HECW1: variants seen among roughly 807,000 people sequenced by gnomAD.
HECW1 encodes the protein HECT, C2 and WW domain containing E3 ubiquitin protein ligase 1.
In HECW1, 61 loss-of-function variants were observed where a neutral mutation model predicts 182.3. The observed-to-expected ratio is 0.33, with a 90% CI of 0.27 to 0.41. The LOEUF (loss-of-function observed/expected upper bound fraction) is 0.41. Ranked by LOEUF, HECW1 falls within the 10% of genes least tolerant of loss-of-function variation. HECW1 has a pLI of 1.00. For synonymous variants in HECW1, 859 were observed against 832.6 expected (o/e 1.03, Z -0.55); for missense variants, 1,739 against 2,108.9 (o/e 0.82, Z 3.44).
At chr7:43,464,154 TTTTA>T (rs1375783537) in intron 14 of HECW1, among the ~76,000 whole-genome samples, 1 of 152,238 alleles carries the variant, frequency 6.6e-6, no homozygotes, top group East Asian at 1.9e-4. Flanking sequence ...TAAGTAAATG[TTTTA>T]TTTATTTATA....
At chr7:43,426,454 G>A (rs1402954713) in intron 8 of HECW1, among the ~76,000 whole-genome samples, 1 of 152,048 alleles carries the variant, frequency 6.6e-6, no homozygotes, top group South Asian at 2.1e-4. Flanking sequence ...TTCACAGGAG[G>A]GATCATATGG....
At chr7:43,520,727 G>A (rs2080429900) in intron 24 of HECW1, among the ~76,000 whole-genome samples, 1 of 152,076 alleles carries the variant, frequency 6.6e-6, no homozygotes, top group African/African-American at 2.4e-5. Flanking sequence ...ACAGACGAAA[G>A]TGAAGCCTTG....
intron 2 of HECW1, among the ~76,000 whole-genome samples, chr7:43,231,852 TA>T (rs1183715570): frequency 8.8e-5 from 13 of 148,258 alleles, no homozygotes; most frequent in Non-Finnish European, 1.5e-4. Context: ...CTGTCTCTAC[TA>T]AAAAATACAA....
At chr7:43,146,566 G>A in intron 2 of HECW1, among the ~76,000 whole-genome samples, 1 of 152,244 alleles carries the variant, frequency 6.6e-6, no homozygotes, top group Non-Finnish European at 1.5e-5. Flanking sequence ...CTGGAAATTC[G>A]AGTCTTAATA....
intron 2 of HECW1, among the ~76,000 whole-genome samples, chr7:43,148,425 G>A (rs1015512928): frequency 2.1e-4 from 32 of 151,764 alleles, no homozygotes; most frequent in African/African-American, 7.0e-4. Flanking sequence ...GTGCCTGCAT[G>A]TCTCTGTGTC....
intron 3 of HECW1, among the ~76,000 whole-genome samples, chr7:43,271,149 A>G (rs182922779): frequency 1.1e-4 from 16 of 152,356 alleles, no homozygotes; most frequent in Admixed American, 1.0e-3. Flanking sequence ...CAAATTATCT[A>G]GAAGACTGAG....
At chr7:43,200,003 A>G (rs1562665554) in intron 2 of HECW1, among the ~76,000 whole-genome samples, 1 of 152,264 alleles carries the variant, frequency 6.6e-6, no homozygotes, top group Non-Finnish European at 1.5e-5. Flanking sequence ...AGAAGTCACT[A>G]AGCGTCGCTC....
intron 8 of HECW1, among the ~76,000 whole-genome samples, chr7:43,409,395 G>C (rs1227921026): frequency 1.3e-5 from 2 of 152,156 alleles, no homozygotes; most frequent in Admixed American, 1.3e-4. Flanking sequence ...TTGTATGGGG[G>C]GAAAGGCTTC....
rs534574678 is a variant in HECW1 at position 43,529,771 on chromosome 7, T to G, written c.4020-11392T>G. Among the ~76,000 whole-genome samples, 143 of 152,172 alleles carry G rather than the reference T, an allele frequency of 9.4e-4. 2 individuals carry two copies. The highest frequency in any genetic ancestry group is 3.4e-3 in the Middle Eastern group (1 of 294). ...CCATGCCTCTCCAGCAGTCATCCCT[T>G]TCTCATGGATCTTTACACTTCATGC... On this transcript the variant is annotated intron_variant, in intron 24 of 29. Transcript: ENST00000395891.
chr7:43,387,661 A>G (rs539555673), intron 6 of HECW1, among the ~76,000 whole-genome samples: 195 of 152,322 alleles, frequency 1.3e-3, no homozygotes, highest in Middle Eastern at 6.8e-3. Context: ...TTTTCAGCTT[A>G]TGGTATATTT....
At chr7:43,367,931 C>T (rs1039495133) in intron 6 of HECW1, among the ~76,000 whole-genome samples, 3 of 152,200 alleles carry the variant, frequency 2.0e-5, no homozygotes, top group Non-Finnish European at 4.4e-5. Context: ...TTTCCCAGAA[C>T]CTGCTTCCAC....
chr7:43,540,256 G>A (rs2081317307), intron 24 of HECW1, among the ~76,000 whole-genome samples: 1 of 152,194 alleles, frequency 6.6e-6, no homozygotes, highest in African/African-American at 2.4e-5. Context: ...GGGAGGATCT[G>A]AGAAAATTCA....
chr7:43,171,007 C>T (rs560896712), intron 2 of HECW1, among the ~76,000 whole-genome samples: 10 of 152,250 alleles, frequency 6.6e-5, no homozygotes, highest in African/African-American at 2.2e-4. Context: ...GTGGATCAGT[C>T]GCATTTTCGC....
At chr7:43,212,734 A>T (rs976901400) in intron 2 of HECW1, among the ~76,000 whole-genome samples, 1 of 152,212 alleles carries the variant, frequency 6.6e-6, no homozygotes, top group Non-Finnish European at 1.5e-5. Context: ...ATGTCTAAGT[A>T]CTCTAACTTA....
rs756332501 is a variant in HECW1, at chr7:43,311,862, T to C, written c.127T>C (p.Tyr43His). The C allele has an allele frequency of 6.2e-7, 1 of 1,614,220 alleles. No homozygotes were observed. Among genetic ancestry groups the C allele is most frequent in the Non-Finnish European group, 8.5e-7 (1 of 1,180,044 alleles). The change falls in exon 4 of 30, where the codon TAC becomes CAC. Residue 43 changes from tyrosine (Y) to histidine (H), a missense_variant. Around this residue, in one of 5 missense-constraint regions of HECW1, gnomAD observed 279 missense variants for 353.1 expected, o/e 0.79. Transcript: ENST00000395891. The stretch of plus-strand genomic sequence containing the variant: ...GTGCAAGGAGCCGCTCCGATACAGC[T>C]ACAACCCCGACCAGTTCCACAACAT... ...RRCKEPLRYS[Y>H]NPDQFHNMDL...
intron 26 of HECW1, among the ~76,000 whole-genome samples, chr7:43,544,978 T>C (rs1418427008): frequency 1.3e-5 from 2 of 152,246 alleles, no homozygotes; most frequent in Admixed American, 6.5e-5. Context: ...AAAGAGTTTA[T>C]GTTGATCAGG....
intron 3 of HECW1, among the ~76,000 whole-genome samples, chr7:43,244,732 G>A (rs1799212079): frequency 6.6e-6 from 1 of 152,198 alleles, no homozygotes; most frequent in African/African-American, 2.4e-5. Flanking sequence ...TCCATCCACT[G>A]GGCCCTGTGC....
chr7:43,532,597 C>T (rs2081035906), intron 24 of HECW1, among the ~76,000 whole-genome samples: 1 of 152,106 alleles, frequency 6.6e-6, no homozygotes, highest in Admixed American at 6.5e-5. Context: ...ATTGCTCAAG[C>T]AAACCACACA....
chr7:43,162,544 A>G (rs1337866014), intron 2 of HECW1, among the ~76,000 whole-genome samples: 1 of 152,228 alleles, frequency 6.6e-6, no homozygotes, highest in Non-Finnish European at 1.5e-5. Context: ...CTTTTATCTC[A>G]AGATACTTGA....
Sources: allele counts gnomAD v4.1 joint callset (sites outside exome capture counted in the v4.1 genomes callset), GRCh38; gene constraint gnomAD v4.1.1; regional missense constraint gnomAD v4.1.1; transcripts MANE v1.5; gene names NCBI Gene and HGNC (gene_info 2026-07-23, HGNC 2026-07-21).